The following KIF26B variants were observed in gnomAD, a reference collection of about 807,000 sequenced individuals.
The protein encoded by KIF26B is kinesin family member 26B.
In KIF26B, 63 loss-of-function variants were observed where a neutral mutation model predicts 151.2. The observed-to-expected ratio is 0.42, with a 90% CI of 0.34 to 0.51. The LOEUF (loss-of-function observed/expected upper bound fraction) is 0.51, where lower values mean the gene tolerates loss of function less well. Among genes scored for constraint, KIF26B ranks in the 20% least tolerant of loss-of-function variants. The probability of loss-of-function intolerance (pLI) is 0.07; values close to 1 mark genes in which losing one functional copy is unlikely to be tolerated. For synonymous variants in KIF26B, 1,357 were observed against 1,262.1 expected, an observed-to-expected ratio of 1.08 and a Z score of -1.59; for missense variants, 2,813 against 2,913.6, an observed-to-expected ratio of 0.97 and a Z score of 0.79.
intron 4 of KIF26B, among the ~76,000 whole-genome samples, chr1:245,503,021 C>T (rs941433243): frequency 3.3e-5 from 5 of 152,052 alleles, no homozygotes; most frequent in South Asian, 2.1e-4. Context: ...GCCACCACCC[C>T]GGCTAATTTT....
In KIF26B at chr1:245,218,694, C is replaced by T. The variant is rs765997184; in HGVS notation, c.465+62011C>T. Among the ~76,000 whole-genome samples, 5 of 152,282 alleles carry T rather than the reference C, an allele frequency of 3.3e-5. No homozygotes were observed. Among genetic ancestry groups the T allele is most frequent in the Admixed American group, 2.0e-4 (3 of 15,296 alleles). On this transcript the variant is annotated intron_variant, in intron 2 of 14. Coordinates refer to ENST00000407071, the MANE Select transcript of KIF26B (RefSeq NM_018012.4). This position sits in a 1 kb window ranked among gnomAD's most constrained non-coding sequence, Gnocchi z 4.1. ...AGTTTCAATGTCTATTTCACATGTG[C>T]GCTCTAGCTCAGAATTTTAATAAGC...
chr1:245,254,680 T>A (rs1440318413), intron 2 of KIF26B, among the ~76,000 whole-genome samples: 1 of 152,164 alleles, frequency 6.6e-6, no homozygotes, highest in Non-Finnish European at 1.5e-5. Flanking sequence ...CTCAGTTACG[T>A]GCTATGACAT....
intron 3 of KIF26B, among the ~76,000 whole-genome samples, chr1:245,406,697 C>G (rs1674142792): frequency 6.6e-6 from 1 of 152,214 alleles, no homozygotes; most frequent in Non-Finnish European, 1.5e-5. Flanking sequence ...CAATGCCACT[C>G]TGCAACAGTT....
intron 2 of KIF26B, among the ~76,000 whole-genome samples, chr1:245,342,439 A>G (rs1274534626): frequency 1.3e-5 from 2 of 152,234 alleles, no homozygotes; most frequent in Admixed American, 1.3e-4. Flanking sequence ...TAAAGCATCT[A>G]GGGAGAGCAG....
chr1:245,564,010 C>T lies in KIF26B; in HGVS notation c.1350+23060C>T, dbSNP rs1031302136. Among the ~76,000 whole-genome samples the T allele has an allele frequency of 3.2e-4, 48 of 152,282 alleles. No individual in the cohort carries two copies. Among genetic ancestry groups the T allele is most frequent in the African/African-American group, 1.0e-3 (42 of 41,548 alleles). On this transcript the variant is annotated intron_variant, in intron 5 of 14. Coordinates refer to ENST00000407071, the MANE Select transcript of KIF26B (RefSeq NM_018012.4). This position sits in a 1 kb window ranked among gnomAD's most constrained non-coding sequence, Gnocchi z 4.6. Reference sequence around the variant, plus strand: ...TAGGTTCCTCCACACCAAATGTGATCATTTCATTTCGCAGCTAGATTGCTC... The same window carrying T: ...TAGGTTCCTCCACACCAAATGTGATTATTTCATTTCGCAGCTAGATTGCTC...
chr1:245,295,460 A>G (rs11586545), intron 2 of KIF26B, among the ~76,000 whole-genome samples: 14,159 of 152,246 alleles, frequency 0.093, 699 homozygotes, highest in Middle Eastern at 0.11. Flanking sequence ...ATGGGTCCGT[A>G]TCATGGGTTC....
chr1:245,367,094 C>T lies in KIF26B; in HGVS notation c.726C>T (p.Pro242=), dbSNP rs752846849. Reference sequence around the variant, plus strand: ...GGCACGTGGGTGGGCTCCAGCAGCCCAGAGACTGGGCCTTTGTGCCCGCCC... The same window carrying T: ...GGCACGTGGGTGGGCTCCAGCAGCCTAGAGACTGGGCCTTTGTGCCCGCCC... ...GSRHVGGLQQ[P]RDWAFVPAPC... Residue 242 remains proline (P), a synonymous_variant, in exon 3 of 15, where the codon CCC becomes CCT. Coordinates refer to ENST00000407071, the MANE Select transcript of KIF26B (RefSeq NM_018012.4). The surrounding 1 kb of genome is among the most constrained non-coding windows in gnomAD (Gnocchi z 4.2). The T allele has an allele frequency of 5.6e-6, 9 of 1,598,640 alleles. No homozygotes were observed. In the South Asian group the frequency reaches 1.0e-4, roughly 18 times the overall value.
intron 5 of KIF26B, among the ~76,000 whole-genome samples, chr1:245,553,377 C>G (rs972120221): frequency 3.9e-5 from 6 of 152,154 alleles, no homozygotes; most frequent in Admixed American, 3.9e-4. Context: ...AGCAAATGTT[C>G]CTGGCTGGCG....
At chr1:245,633,280 CT>C (rs35311427) in intron 9 of KIF26B, among the ~76,000 whole-genome samples, 44,237 of 137,104 alleles carry the variant, frequency 0.32, 6,875 homozygotes, top group East Asian at 0.41. Context: ...ACAGTTGGGT[CT>C]TTTTTTTTTT....
intron 2 of KIF26B, among the ~76,000 whole-genome samples, chr1:245,225,713 G>A (rs961096880): frequency 1.3e-4 from 20 of 152,328 alleles, no homozygotes; most frequent in African/African-American, 2.4e-4. Context: ...TCCTCGGTCC[G>A]TAGGGATGGA....
At chr1:245,198,955 C>G (rs10802195) in intron 2 of KIF26B, among the ~76,000 whole-genome samples, 16 of 66,694 alleles carry the variant, frequency 2.4e-4, no homozygotes, top group Non-Finnish European at 2.5e-4. Context: ...TCGGGGGAGG[C>G]GGGAGAGTGT....
At position 245,646,226 on chromosome 1, in the gene KIF26B, C is replaced by T. The variant is rs1236207415; in HGVS notation, c.2204C>T (p.Ala735Val). 2 of 1,613,952 alleles carry T rather than the reference C, an allele frequency of 1.2e-6. No homozygotes were observed. Among genetic ancestry groups the T allele is most frequent in the South Asian group, 2.2e-5 (2 of 91,068 alleles). The part of the protein sequence containing the change: ...GGSGLCLSLS[A>V]LGNVILALVN... ...TCAGGGCTGTGTCTCTCGCTGTCTG[C>T]TCTGGGCAATGTCATCCTGGCTCTC... The change falls in exon 10 of 15, where the codon GCT (alanine) becomes GTT (valine). Residue 735 changes from alanine (A) to valine (V), a missense_variant. By Grantham distance (64) the Ala-to-Val change is moderately conservative. Coordinates refer to ENST00000407071, the MANE Select transcript of KIF26B (RefSeq NM_018012.4).
rs969420572 is a variant in KIF26B, at chr1:245,155,423, C to T, written c.-2C>T. 1.2e-5 allele frequency: 19 copies of T among 1,610,094 alleles called. 1 individual carries two copies. Among genetic ancestry groups the T allele is most frequent in the Non-Finnish European group, 1.0e-5 (12 of 1,177,992 alleles). ...TAGATACTCTCCTCTGGAAAAGCCA[C>T]CATGAATTCGGTAGCTGGGAATAAA... On this transcript the variant is annotated 5_prime_UTR_variant, in exon 1 of 15. Transcript: ENST00000407071.
chr1:245,610,494 C>T (rs1014196951), intron 8 of KIF26B, among the ~76,000 whole-genome samples: 4 of 152,102 alleles, frequency 2.6e-5, no homozygotes, highest in South Asian at 2.1e-4. Context: ...CTCATGCTGC[C>T]GGTCCAGGGA....
chr1:245,490,462 C>T (rs1660384461), intron 4 of KIF26B, among the ~76,000 whole-genome samples: 2 of 151,984 alleles, frequency 1.3e-5, no homozygotes, highest in Non-Finnish European at 2.9e-5. Context: ...CAGGCGCACA[C>T]CACCACGTCC....
At chr1:245,180,609 GA>G (rs1668888863) in intron 2 of KIF26B, among the ~76,000 whole-genome samples, 1 of 152,032 alleles carries the variant, frequency 6.6e-6, no homozygotes, top group South Asian at 2.1e-4. Context: ...TAAGAGAGGG[GA>G]TTTGTGGTCA....
intron 12 of KIF26B, among the ~76,000 whole-genome samples, chr1:245,690,903 A>G (rs557037369): frequency 3.9e-4 from 59 of 152,360 alleles, no homozygotes; most frequent in African/African-American, 1.4e-3. Context: ...GCCAGGGCCA[A>G]GGGCATTGAA....
At chr1:245,286,615 C>A (rs1414862309) in intron 2 of KIF26B, among the ~76,000 whole-genome samples, 1 of 152,144 alleles carries the variant, frequency 6.6e-6, no homozygotes, top group Non-Finnish European at 1.5e-5. Flanking sequence ...AGAACTATAT[C>A]CTCATTGTGC....
At chr1:245,405,610 G>A (rs573085604) in intron 3 of KIF26B, among the ~76,000 whole-genome samples, 2 of 146,244 alleles carry the variant, frequency 1.4e-5, no homozygotes, top group Non-Finnish European at 2.9e-5. Context: ...GAGTTCTGCT[G>A]TCCTATTGAT....
Sources: allele counts gnomAD v4.1 joint callset (sites outside exome capture counted in the v4.1 genomes callset), GRCh38; gene constraint gnomAD v4.1.1; non-coding constraint Gnocchi (gnomAD v3.1); transcripts MANE v1.5; gene names NCBI Gene and HGNC (gene_info 2026-07-23, HGNC 2026-07-21).